Variants in AP3D1 observed in about 807,000 individuals in gnomAD.
AP3D1 encodes the protein adaptor related protein complex 3 subunit delta 1, also known as AP-3 complex subunit delta-1.
Under a neutral mutation model 147.6 loss-of-function variants are expected in AP3D1, and 51 were observed. The observed-to-expected ratio is 0.35, with a 90% CI of 0.28 to 0.44. The LOEUF is 0.44. Ranked by LOEUF, AP3D1 falls within the 20% of genes least tolerant of loss-of-function variation. AP3D1 has a pLI of 1.00. For missense variants in AP3D1, 1,421 were observed against 1,624.2 expected (o/e 0.87, Z 2.15); for synonymous variants, 760 against 663.0 (o/e 1.15, Z -2.25).
intron 1 of AP3D1, among the ~76,000 whole-genome samples, chr19:2,144,269 C>T (rs528998593): frequency 1.6e-4 from 24 of 152,302 alleles, no homozygotes; most frequent in African/African-American, 5.3e-4. Flanking sequence ...GCTTCTCCTG[C>T]GGAGCGCTCT....
intron 8 of AP3D1, among the ~76,000 whole-genome samples, chr19:2,127,594 G>A (rs1283811805): frequency 5.9e-5 from 9 of 152,144 alleles, no homozygotes; most frequent in Non-Finnish European, 1.2e-4. Context: ...GCGCGGCCTC[G>A]GCTCACTGCG....
At chr19:2,114,967 G>A (rs933873049) in intron 20 of AP3D1, 146 bp from the exon 21 acceptor site, 75 of 945,686 alleles carry the variant, frequency 7.9e-5, no homozygotes, top group African/African-American at 3.4e-4. Flanking sequence ...TCCGCTCAGC[G>A]TCTAGGCACT....
intron 16 of AP3D1, 95 bp from the exon 17 acceptor site, chr19:2,116,841 G>A: frequency 7.0e-7 from 1 of 1,435,104 alleles, no homozygotes; most frequent in Non-Finnish European, 9.2e-7. Context: ...GCCTGGCCAT[G>A]TGATATCCCA....
At chr19:2,106,244 G>T (rs2018108111) in intron 31 of AP3D1, among the ~76,000 whole-genome samples, 1 of 152,046 alleles carries the variant, frequency 6.6e-6, no homozygotes, top group African/African-American at 2.4e-5. Flanking sequence ...ACAGGACCCA[G>T]CAATCACACT....
At chr19:2,117,146 G>A in intron 16 of AP3D1, 76 bp downstream of exon 16, 3 of 1,495,176 alleles carry the variant, frequency 2.0e-6, no homozygotes, top group South Asian at 1.4e-5. Flanking sequence ...GGGTGCAGGA[G>A]CCCCCGCTGT....
upstream of AP3D1, among the ~76,000 whole-genome samples, chr19:2,152,001 G>A (rs538711401): frequency 6.6e-6 from 1 of 152,234 alleles, no homozygotes; most frequent in African/African-American, 2.4e-5. Context: ...TGGGTGGGTG[G>A]GGGAACGGAT....
intron 9 of AP3D1, among the ~76,000 whole-genome samples, chr19:2,125,587 G>A (rs928255846): frequency 2.0e-5 from 3 of 152,156 alleles, no homozygotes; most frequent in African/African-American, 7.2e-5. Flanking sequence ...CCAAAGTGCT[G>A]GGATTACAGG....
At chr19:2,116,186 G>A (rs1430497532) in intron 18 of AP3D1, 21 bp downstream of exon 18, 3 of 1,613,356 alleles carry the variant, frequency 1.9e-6, no homozygotes, top group East Asian at 2.2e-5. Context: ...TGAGGGACAG[G>A]CACCCGGGGA....
intron 22 of AP3D1, among the ~76,000 whole-genome samples, chr19:2,113,832 G>A (rs1398656720): frequency 1.3e-5 from 2 of 152,246 alleles, no homozygotes; most frequent in Non-Finnish European, 2.9e-5. Context: ...AGCTGCACGT[G>A]AGGGTGGCAT....
intron 1 of AP3D1, among the ~76,000 whole-genome samples, chr19:2,159,211 ATC>A (rs1222618751): frequency 7.0e-6 from 1 of 143,618 alleles, no homozygotes; most frequent in Non-Finnish European, 1.5e-5. Context: ...GATGGTTTCC[ATC>A]TCTCTCTCTT....
intron 4 of AP3D1, among the ~76,000 whole-genome samples, chr19:2,132,903 A>G (rs1488783893): frequency 6.6e-6 from 1 of 152,020 alleles, no homozygotes; most frequent in African/African-American, 2.4e-5. Flanking sequence ...CTCCTCCTGG[A>G]TGGGCAGGGC....
At position 2,122,088 on chromosome 19, in the gene AP3D1, C is replaced by T. The variant is rs576590821; in HGVS notation, c.956-209G>A. On this transcript the variant is annotated intron_variant, in intron 11 of 31. Transcript: ENST00000643116. The stretch of plus-strand genomic sequence containing the variant: ...CCCTCCCTGGGAGCCGGGGTGCAGG[C>T]TGCCCCCATGCCGGCTCCCTCAGGA... Among the ~76,000 whole-genome samples, 37 of 152,302 alleles carry T rather than the reference C, an allele frequency of 2.4e-4. No individual in the cohort carries two copies. The East Asian group carries it at 6.0e-3, about 25-fold the overall frequency.
upstream of AP3D1, among the ~76,000 whole-genome samples, chr19:2,155,925 C>G (rs1293325216): frequency 6.6e-6 from 1 of 151,508 alleles, no homozygotes; most frequent in Admixed American, 6.6e-5. Flanking sequence ...TGGTGGCGGG[C>G]GCCTGTAGTC....
rs112618878 is a variant in AP3D1, at chr19:2,132,682, A to C, written c.355-104T>G. The stretch of plus-strand genomic sequence containing the variant: ...GAGCGAAATTCTCCCAGGATGCCCC[A>C]GGACTCGGCATATCCTCTTGGGGTG... On this transcript the variant is annotated intron_variant, in intron 4 of 31. Transcript: ENST00000643116. 1.1e-4 allele frequency: 101 copies of C among 898,524 alleles called. 1 individual carries two copies. In the African/African-American group the frequency reaches 1.5e-3, roughly 13 times the overall value. The allele number at this position is 898,524 out of a possible 1,614,324, so 55.7% of individuals were successfully genotyped here.
chr19:2,153,237 G>T (rs2019602342), upstream of AP3D1, among the ~76,000 whole-genome samples: 2 of 151,564 alleles, frequency 1.3e-5, no homozygotes, highest in Admixed American at 1.3e-4. Flanking sequence ...AGCCAGACGT[G>T]GTGGAGGGCA....
chr19:2,111,001 C>T (rs1272538823), intron 26 of AP3D1, 105 bp from the exon 27 acceptor site: 1 of 1,283,860 alleles, frequency 7.8e-7, no homozygotes. Context: ...GTCCCACAGG[C>T]ACAGGAAGGC....
At chr19:2,107,184 C>T (rs980414509) in intron 31 of AP3D1, among the ~76,000 whole-genome samples, 21 of 149,878 alleles carry the variant, frequency 1.4e-4, no homozygotes, top group Admixed American at 7.3e-4. Flanking sequence ...GGCATGAGCC[C>T]GGGAGGCGGA....
intron 1 of AP3D1, among the ~76,000 whole-genome samples, 155 bp downstream of exon 1, chr19:2,151,084 C>T (rs1178843423): frequency 6.6e-6 from 1 of 152,236 alleles, no homozygotes; most frequent in Non-Finnish European, 1.5e-5. Flanking sequence ...GGCGGCGCCC[C>T]AGGCCCAGGC....
chr19:2,108,950 C>T (rs990146757), intron 30 of AP3D1, 136 bp downstream of exon 30: 53 of 1,437,196 alleles, frequency 3.7e-5, no homozygotes, highest in Non-Finnish European at 4.1e-5. Flanking sequence ...TCCCAGGCCT[C>T]GGGGCCACCA....
Sources: gnomAD v4.1 joint callset for allele counts (sites outside exome capture counted in the v4.1 genomes callset) on GRCh38, gnomAD v4.1.1 for gene constraint, MANE v1.5 for transcripts, NCBI Gene and HGNC (gene_info 2026-07-23, HGNC 2026-07-21) for gene names.